Variants in MYRIP observed in about 807,000 individuals in gnomAD.
MYRIP encodes the protein myosin VIIA and Rab interacting protein.
In MYRIP, 49 loss-of-function variants were observed where a neutral mutation model predicts 98.0. The ratio of observed to expected loss-of-function variants is 0.50; its 90% CI spans 0.40 to 0.63. MYRIP has a LOEUF of 0.63. Among genes scored for constraint, MYRIP ranks in the 30% least tolerant of loss-of-function variants. The probability of loss-of-function intolerance (pLI) is 0.00; values close to 1 mark genes in which losing one functional copy is unlikely to be tolerated. For synonymous variants in MYRIP, 404 were observed against 409.5 expected (o/e 0.99, Z 0.16); for missense variants, 1,004 against 1,058.2 (o/e 0.95, Z 0.71).
intron 2 of MYRIP, among the ~76,000 whole-genome samples, chr3:39,987,200 C>G (rs1946052780): frequency 6.6e-6 from 1 of 152,056 alleles, no homozygotes; most frequent in African/African-American, 2.4e-5. Context: ...TCATTTCTCC[C>G]CCTGTGTCCA....
At chr3:40,023,312 A>G (rs1027980270) in intron 2 of MYRIP, among the ~76,000 whole-genome samples, 1 of 152,214 alleles carries the variant, frequency 6.6e-6, no homozygotes, top group Admixed American at 6.5e-5. Flanking sequence ...AACAGAAACC[A>G]TCTAAATATT....
intron 2 of MYRIP, among the ~76,000 whole-genome samples, chr3:40,002,981 T>C (rs1946553052): frequency 1.3e-5 from 2 of 151,738 alleles, no homozygotes; most frequent in African/African-American, 2.4e-5. Context: ...TATATGTATC[T>C]AGACATCTAT....
chr3:40,165,430 G>A (rs1950480916), intron 5 of MYRIP, among the ~76,000 whole-genome samples: 1 of 152,170 alleles, frequency 6.6e-6, no homozygotes, highest in Non-Finnish European at 1.5e-5. Context: ...TTCACACCCT[G>A]TCTCATTCCA....
intron 2 of MYRIP, among the ~76,000 whole-genome samples, chr3:40,006,868 A>AT (rs774878989): frequency 2.3e-4 from 35 of 152,004 alleles, no homozygotes; most frequent in East Asian, 3.9e-4. Context: ...GTGAGGGCTT[A>AT]TTTTTTTTAA....
In MYRIP at chr3:39,897,645, A is replaced by T. The variant is rs182248677; in HGVS notation, c.-30-3142A>T. Among the ~76,000 whole-genome samples, 47 of 152,230 alleles carry T rather than the reference A, an allele frequency of 3.1e-4. 1 individual carries two copies. The East Asian group carries it at 9.1e-3, about 29-fold the overall frequency. ...GATTGTCATACCTATGTGACCTCTTATTCATGGACACGAGCCTTCTCCAGC... is the reference window on the plus strand; with the variant it reads ...GATTGTCATACCTATGTGACCTCTTTTTCATGGACACGAGCCTTCTCCAGC... On this transcript the variant is annotated intron_variant, in intron 1 of 16. Coordinates refer to ENST00000302541, the MANE Select transcript of MYRIP (RefSeq NM_015460.4).
intron 2 of MYRIP, among the ~76,000 whole-genome samples, chr3:39,981,039 T>C (rs1945881551): frequency 6.6e-6 from 1 of 152,220 alleles, no homozygotes; most frequent in Non-Finnish European, 1.5e-5. Context: ...GTTAAGGTGG[T>C]AAATTTTATG....
intron 11 of MYRIP, among the ~76,000 whole-genome samples, chr3:40,214,674 G>C (rs921714133): frequency 5.9e-5 from 9 of 152,148 alleles, no homozygotes; most frequent in African/African-American, 2.2e-4. Context: ...GTAATAACTT[G>C]GTTCCACCAG....
intron 2 of MYRIP, among the ~76,000 whole-genome samples, chr3:39,977,234 A>G (rs1277541423): frequency 6.6e-6 from 1 of 152,136 alleles, no homozygotes; most frequent in Non-Finnish European, 1.5e-5. Context: ...GGAAGTGTGC[A>G]TTAAGGGGGA....
intron 1 of MYRIP, among the ~76,000 whole-genome samples, chr3:39,818,601 A>G (rs182710163): frequency 7.3e-5 from 11 of 150,704 alleles, no homozygotes; most frequent in Admixed American, 6.6e-4. Flanking sequence ...CATATGAAAT[A>G]ACATATTTTA....
In MYRIP at chr3:40,162,966, A is replaced by G. The variant is rs145777325; in HGVS notation, c.550+156A>G. The G allele has an allele frequency of 4.2e-5, 26 of 612,920 alleles. No individual in the cohort carries two copies. The East Asian group carries it at 4.3e-4, about 10-fold the overall frequency. 38.0% of individuals were successfully genotyped at this position (612,920 alleles called of 1,614,324 possible). A position where few individuals can be genotyped will look rare whatever the true frequency, so the allele number is the denominator to read the frequency against. On this transcript the variant is annotated intron_variant, in intron 5 of 16. Coordinates refer to ENST00000302541, the MANE Select transcript of MYRIP (RefSeq NM_015460.4). The stretch of plus-strand genomic sequence containing the variant: ...CTCCCTGGGTCACTTATTATTGCCA[A>G]TTGTATGAATCCATCATCAAAATAG...
In MYRIP at chr3:40,209,911, C is replaced by T. The variant is rs1951875972; in HGVS notation, c.1723C>T (p.Leu575Phe). The change falls in exon 11 of 17, where the codon CTC (leucine) becomes TTC (phenylalanine). Residue 575 changes from leucine (L) to phenylalanine (F), a missense_variant. Around this residue, in one of 3 missense-constraint regions of MYRIP, gnomAD observed 880 missense variants for 907.7 expected, o/e 0.97. Transcript: ENST00000302541. ...ISNEARDPQT[L>F]TDTTEEKRRN... ...CAATGAGGCTCGGGATCCCCAGACTCTCACAGACACCACAGAGGAGAAACG... is the reference window on the plus strand; with the variant it reads ...CAATGAGGCTCGGGATCCCCAGACTTTCACAGACACCACAGAGGAGAAACG... 6.2e-7 allele frequency: 1 copy of T among 1,613,912 alleles called. No homozygotes were observed. Among genetic ancestry groups the T allele is most frequent in the Non-Finnish European group, 8.5e-7 (1 of 1,179,946 alleles).
chr3:40,094,419 C>T (rs1333670117), intron 3 of MYRIP, among the ~76,000 whole-genome samples: 1 of 152,242 alleles, frequency 6.6e-6, no homozygotes, highest in Admixed American at 6.5e-5. Flanking sequence ...GCCCTAACTC[C>T]TCAGTCTTGC....
At chr3:40,110,029 G>A (rs1376366158) in intron 3 of MYRIP, among the ~76,000 whole-genome samples, 1 of 152,218 alleles carries the variant, frequency 6.6e-6, no homozygotes, top group Non-Finnish European at 1.5e-5. Flanking sequence ...TATGATAAGT[G>A]CAACTGGAAC....
chr3:40,244,658 GC>G (rs967730919), intron 13 of MYRIP, 51 bp downstream of exon 13: 13 of 1,529,622 alleles, frequency 8.5e-6, no homozygotes, highest in African/African-American at 2.8e-5. Flanking sequence ...GAAACAGGGA[GC>G]CCCATGTTCT....
intron 1 of MYRIP, among the ~76,000 whole-genome samples, chr3:39,886,204 G>T (rs1943297547): frequency 6.6e-6 from 1 of 151,670 alleles, no homozygotes; most frequent in East Asian, 1.9e-4. Flanking sequence ...AACATGGAAA[G>T]GAACAACCGG....
chr3:40,034,704 C>T (rs1473152353), intron 2 of MYRIP, among the ~76,000 whole-genome samples: 3 of 151,074 alleles, frequency 2.0e-5, no homozygotes, highest in Non-Finnish European at 2.9e-5. Context: ...ACCATTTGAC[C>T]CAGCCATCCC....
In MYRIP at chr3:39,959,920, A is replaced by G. The variant is rs114448407; in HGVS notation, c.110+58994A>G. Among the ~76,000 whole-genome samples the G allele has an allele frequency of 4.2e-3, 639 of 152,080 alleles. 3 individuals are homozygous for G. Among genetic ancestry groups the G allele is most frequent in the Non-Finnish European group, 4.2e-3 (286 of 67,992 alleles). On this transcript the variant is annotated intron_variant, in intron 2 of 16. Coordinates refer to ENST00000302541, the MANE Select transcript of MYRIP (RefSeq NM_015460.4). ...ATTCCTTATCAACTTAGTGCCCCCC[A>G]TGTGAGCAGGCTGAACTGAGTACTT... is the stretch of plus-strand genomic sequence containing the variant.
At chr3:39,988,179 A>C (rs147605517) in intron 2 of MYRIP, among the ~76,000 whole-genome samples, 208 of 152,226 alleles carry the variant, frequency 1.4e-3, no homozygotes, top group African/African-American at 4.7e-3. Context: ...GGAAGGGGGA[A>C]AGGATAGCAT....
intron 2 of MYRIP, among the ~76,000 whole-genome samples, chr3:40,031,034 A>G (rs4234129): frequency 0.53 from 80,300 of 151,974 alleles, 21,926 homozygotes; most frequent in East Asian, 0.67. Context: ...CCTAGAGGGT[A>G]TATCAGTCTA....
Sources: allele counts gnomAD v4.1 joint callset (sites outside exome capture counted in the v4.1 genomes callset), GRCh38; gene constraint gnomAD v4.1.1; regional missense constraint gnomAD v4.1.1; transcripts MANE v1.5; gene names NCBI Gene and HGNC (gene_info 2026-07-23, HGNC 2026-07-21).